GRM8: variants seen among roughly 807,000 people sequenced by gnomAD.
The protein encoded by GRM8 is metabotropic glutamate receptor 8.
A neutral mutation model predicts 87.2 loss-of-function variants in GRM8; 47 were observed. That is an observed-to-expected ratio of 0.54 (90% CI 0.43 to 0.69). The LOEUF (loss-of-function observed/expected upper bound fraction) is 0.69. GRM8 is among the 30% of genes least tolerant of loss of function. The pLI is 0.00. For missense variants in GRM8, 1,019 were observed against 1,139.2 expected, an observed-to-expected ratio of 0.89 and a Z score of 1.52; for synonymous variants, 396 against 404.5, an observed-to-expected ratio of 0.98 and a Z score of 0.25.
At chr7:127,008,449 T>G (rs746202127) in intron 3 of GRM8, among the ~76,000 whole-genome samples, 1 of 152,110 alleles carries the variant, frequency 6.6e-6, no homozygotes, top group Non-Finnish European at 1.5e-5. Context: ...TAAATACTAT[T>G]AAAATTCTCC....
At chr7:126,675,463 C>T (rs932981334) in intron 7 of GRM8, among the ~76,000 whole-genome samples, 1 of 152,080 alleles carries the variant, frequency 6.6e-6, no homozygotes, top group African/African-American at 2.4e-5. Context: ...GGTCACTATC[C>T]CTGATGAACA....
At chr7:127,016,474 G>A (rs753990015) in intron 3 of GRM8, among the ~76,000 whole-genome samples, 2 of 151,862 alleles carry the variant, frequency 1.3e-5, no homozygotes, top group Non-Finnish European at 2.9e-5. Flanking sequence ...ATAAAATTGG[G>A]GAAATTAAGA....
intron 3 of GRM8, among the ~76,000 whole-genome samples, chr7:126,942,375 A>G (rs1012016748): frequency 6.6e-6 from 1 of 152,162 alleles, no homozygotes; most frequent in Non-Finnish European, 1.5e-5. Flanking sequence ...AGACTATGAA[A>G]GTTGCTTGAG....
intron 2 of GRM8, among the ~76,000 whole-genome samples, chr7:127,155,376 G>A (rs1408895112): frequency 6.6e-6 from 1 of 152,146 alleles, no homozygotes; most frequent in East Asian, 1.9e-4. Flanking sequence ...ATAGGATGCA[G>A]TTCTTTCTTT....
At chr7:126,911,537 G>A (rs545998071) in intron 3 of GRM8, among the ~76,000 whole-genome samples, 1 of 152,198 alleles carries the variant, frequency 6.6e-6, no homozygotes, top group Non-Finnish European at 1.5e-5. Flanking sequence ...TCAAACATTT[G>A]TGCTACCTTT....
intron 3 of GRM8, among the ~76,000 whole-genome samples, chr7:127,001,932 A>T (rs2132037183): frequency 6.6e-6 from 1 of 151,800 alleles, no homozygotes; most frequent in South Asian, 2.1e-4. Context: ...TCTGAGCAAA[A>T]AAAGATAGGC....
intron 6 of GRM8, among the ~76,000 whole-genome samples, chr7:126,816,656 G>A (rs756985653): frequency 5.3e-5 from 8 of 151,678 alleles, no homozygotes; most frequent in Non-Finnish European, 1.2e-4. Context: ...ATGGTTTCTG[G>A]TAGTAGCTAT....
chr7:126,949,435 G>A (rs1807898630), intron 3 of GRM8, among the ~76,000 whole-genome samples: 1 of 152,142 alleles, frequency 6.6e-6, no homozygotes, highest in South Asian at 2.1e-4. Context: ...ATTTTAAAGT[G>A]ATTTTCTTCC....
chr7:126,491,143 A>G (rs1329641387), intron 9 of GRM8, among the ~76,000 whole-genome samples: 2 of 152,016 alleles, frequency 1.3e-5, no homozygotes, highest in Non-Finnish European at 2.9e-5. Flanking sequence ...AATGTTTCCA[A>G]CCAAACTGGC....
At position 126,819,036 on chromosome 7, in the gene GRM8, A is replaced by T. The variant is rs528294364; in HGVS notation, c.1157-48971T>A. Among the ~76,000 whole-genome samples the T allele has an allele frequency of 2.0e-5, 3 of 152,066 alleles. No homozygotes were observed. The South Asian group carries it at 6.2e-4, about 32-fold the overall frequency. On this transcript the variant is annotated intron_variant, in intron 6 of 10. Transcript: ENST00000339582. ...CCAGTTCAGGCCCCCTTCAGCTCTCACCTGAACTGCAACTAGGGCGGCCAT... is the reference window on the plus strand; with the variant it reads ...CCAGTTCAGGCCCCCTTCAGCTCTCTCCTGAACTGCAACTAGGGCGGCCAT...
intron 3 of GRM8, among the ~76,000 whole-genome samples, chr7:127,022,412 T>G (rs545386829): frequency 6.6e-6 from 1 of 152,166 alleles, no homozygotes; most frequent in East Asian, 1.9e-4. Flanking sequence ...CAAAATATTA[T>G]TTTTTTAAAT....
chr7:127,097,234 T>C (rs1178889719), intron 3 of GRM8, among the ~76,000 whole-genome samples: 2 of 152,192 alleles, frequency 1.3e-5, no homozygotes, highest in African/African-American at 4.8e-5. Flanking sequence ...CCCAAACTTG[T>C]CCTCAAATCT....
At chr7:126,555,755 T>C (rs1793070801) in intron 8 of GRM8, among the ~76,000 whole-genome samples, 1 of 152,226 alleles carries the variant, frequency 6.6e-6, no homozygotes, top group Non-Finnish European at 1.5e-5. Context: ...TGTTTACTTG[T>C]ACAGATGCAA....
At chr7:126,533,954 C>T (rs1042639413) in intron 8 of GRM8, 67 bp from the exon 9 acceptor site, 27 of 1,188,788 alleles carry the variant, frequency 2.3e-5, no homozygotes, top group Admixed American at 4.3e-5. Flanking sequence ...ATCCTAGCCA[C>T]GGGTTTGTAA....
intron 2 of GRM8, among the ~76,000 whole-genome samples, chr7:127,179,544 C>T (rs1794316059): frequency 6.6e-6 from 1 of 152,042 alleles, no homozygotes; most frequent in Admixed American, 6.6e-5. Flanking sequence ...CCGCAAAATA[C>T]ACGTTCTATT....
At chr7:126,840,972 C>G (rs1394332253) in intron 6 of GRM8, among the ~76,000 whole-genome samples, 2 of 152,212 alleles carry the variant, frequency 1.3e-5, no homozygotes, top group African/African-American at 4.8e-5. Context: ...AAGGCTCTGA[C>G]AGAGCCTAAA....
At chr7:126,780,241 G>A (rs1819913893) in intron 6 of GRM8, among the ~76,000 whole-genome samples, 1 of 152,110 alleles carries the variant, frequency 6.6e-6, no homozygotes, top group South Asian at 2.1e-4. Flanking sequence ...CCATTTACTA[G>A]TTATGAGCTT....
intron 7 of GRM8, among the ~76,000 whole-genome samples, chr7:126,744,956 CAT>C (rs1367686810): frequency 7.5e-6 from 1 of 133,770 alleles, no homozygotes; most frequent in African/African-American, 2.7e-5. Context: ...TATTTATTAA[CAT>C]GTAATTGATT....
intron 7 of GRM8, among the ~76,000 whole-genome samples, chr7:126,660,532 T>C (rs1193185815): frequency 1.3e-5 from 2 of 152,218 alleles, no homozygotes; most frequent in Non-Finnish European, 2.9e-5. Context: ...TAATTTTATA[T>C]GCCACTTCTA....
Sources: gnomAD v4.1 joint callset for allele counts (sites outside exome capture counted in the v4.1 genomes callset) on GRCh38, gnomAD v4.1.1 for gene constraint, MANE v1.5 for transcripts, NCBI Gene and HGNC (gene_info 2026-07-23, HGNC 2026-07-21) for gene names.